The following LCP2 variants were observed in gnomAD, a reference collection of about 807,000 sequenced individuals.
LCP2 encodes the protein lymphocyte cytosolic protein 2, also known as 76 kDa tyrosine phosphoprotein.
LCP2 carries 29 observed loss-of-function variants against 74.5 expected under a neutral mutation model. The ratio of observed to expected loss-of-function variants is 0.39; its 90% CI spans 0.29 to 0.53. The LOEUF (loss-of-function observed/expected upper bound fraction) is 0.53. Among genes scored for constraint, LCP2 ranks in the 20% least tolerant of loss-of-function variants. LCP2 has a pLI of 0.72. For missense variants in LCP2, 604 were observed against 634.6 expected (o/e 0.95, Z 0.52); for synonymous variants, 228 against 229.5 (o/e 0.99, Z 0.06).
chr5:170,267,154 G>C, intron 8 of LCP2, 79 bp from the exon 9 acceptor site: 1 of 1,399,146 alleles, frequency 7.1e-7, no homozygotes, highest in East Asian at 2.3e-5. Flanking sequence ...GTCTGGATCT[G>C]CTCACTTTTC....
In LCP2 at chr5:170,279,419, G is replaced by T. The variant is rs572001018; in HGVS notation, c.189-3559C>A. Among the ~76,000 whole-genome samples the T allele has an allele frequency of 4.6e-5, 7 of 152,330 alleles. No individual in the cohort carries two copies. In the South Asian group the frequency reaches 1.4e-3, roughly 32 times the overall value. On this transcript the variant is annotated intron_variant, in intron 3 of 20. Coordinates refer to ENST00000046794, the MANE Select transcript of LCP2 (RefSeq NM_005565.5). ...TCTGGCCCCAAGGGTGGCGCCCACTGTGTGATCTCAGACAAGGCAGCTGCC... is the reference window on the plus strand; with the variant it reads ...TCTGGCCCCAAGGGTGGCGCCCACTTTGTGATCTCAGACAAGGCAGCTGCC...
In LCP2 at chr5:170,248,789, A is replaced by T. The variant is rs1761358461; in HGVS notation, c.1510T>A (p.Tyr504Asn). The T allele has an allele frequency of 6.2e-7, 1 of 1,612,610 alleles. No individual in the cohort carries two copies. The highest frequency in any genetic ancestry group is 8.5e-7 in the Non-Finnish European group (1 of 1,179,068). ...AGCAGAAGTGGCATTTTCCTGAAGT[A>T]GTCAATAATATCTGACACAGACAGA... is the stretch of plus-strand genomic sequence containing the variant. Reference protein sequence around the residue: ...DFLSVSDIIDYFRKMPLLLID... With the variant: ...DFLSVSDIIDNFRKMPLLLID... The change falls in exon 21 of 21, where the codon TAC (tyrosine) becomes AAC (asparagine). Residue 504 changes from tyrosine to asparagine, a missense_variant. Tyr to Asn is a moderately radical substitution (Grantham distance 143). Coordinates refer to ENST00000046794, the MANE Select transcript of LCP2 (RefSeq NM_005565.5).
intron 10 of LCP2, among the ~76,000 whole-genome samples, chr5:170,264,964 A>G (rs1761723764): frequency 7.3e-6 from 1 of 137,856 alleles, no homozygotes; most frequent in Non-Finnish European, 1.6e-5. Flanking sequence ...CTGAATAAGT[A>G]TTTCAAAATT....
intron 2 of LCP2, among the ~76,000 whole-genome samples, chr5:170,289,607 CTTT>C (rs1561978240): frequency 1.4e-5 from 2 of 143,522 alleles, no homozygotes; most frequent in African/African-American, 5.3e-5. Context: ...TTCTTTCTTT[CTTT>C]CTTTCTTTTT....
At chr5:170,255,262 A>G (rs1464996566) in intron 17 of LCP2, among the ~76,000 whole-genome samples, 4 of 152,228 alleles carry the variant, frequency 2.6e-5, no homozygotes, top group African/African-American at 9.7e-5. Context: ...AGTGGGTGCC[A>G]CTGGCGTCAG....
chr5:170,288,685 G>A (rs971144549), intron 2 of LCP2, among the ~76,000 whole-genome samples: 2 of 152,214 alleles, frequency 1.3e-5, no homozygotes, highest in Non-Finnish European at 2.9e-5. Flanking sequence ...CATTTTGAAA[G>A]AGAGAAAGCC....
intron 6 of LCP2, among the ~76,000 whole-genome samples, chr5:170,272,606 T>TTTTTTTTC (rs1761915317): frequency 1.0e-5 from 1 of 97,300 alleles, no homozygotes; most frequent in African/African-American, 6.6e-5. Context: ...TCTTTTTTTT[T>TTTTTTTTC]TTTTTTTTTT....
At chr5:170,292,986 T>C (rs191335555) in intron 2 of LCP2, among the ~76,000 whole-genome samples, 135 of 152,296 alleles carry the variant, frequency 8.9e-4, no homozygotes, top group Non-Finnish European at 1.3e-3. Flanking sequence ...GAGTGAGAGA[T>C]TGGAGGTGAG....
intron 2 of LCP2, among the ~76,000 whole-genome samples, chr5:170,290,992 GAAAGAA>G (rs1762283788): frequency 1.1e-5 from 1 of 90,038 alleles, no homozygotes; most frequent in Non-Finnish European, 2.4e-5. Context: ...AAGAAAGAAA[GAAAGAA>G]AGAGAGAAAG....
intron 17 of LCP2, 42 bp from the exon 18 acceptor site, chr5:170,253,255 T>TAA (rs1345126038): frequency 1.5e-6 from 2 of 1,339,876 alleles, no homozygotes; most frequent in Admixed American, 4.2e-5. Context: ...TACTGTAAGC[T>TAA]ATTGTTTGCT....
At chr5:170,289,625 C>CT (rs1167030468) in intron 2 of LCP2, among the ~76,000 whole-genome samples, 1 of 92,872 alleles carries the variant, frequency 1.1e-5, no homozygotes, top group African/African-American at 4.6e-5. Flanking sequence ...CTTTTTCTTT[C>CT]TTTCTTTCTT....
intron 13 of LCP2, among the ~76,000 whole-genome samples, chr5:170,261,429 T>A (rs970774767): frequency 6.2e-5 from 9 of 145,786 alleles, no homozygotes; most frequent in Non-Finnish European, 1.3e-4. Context: ...ATATACACAC[T>A]CTATATGTAT....
At chr5:170,269,369 C>A (rs315749) in intron 7 of LCP2, among the ~76,000 whole-genome samples, 2 of 151,984 alleles carry the variant, frequency 1.3e-5, no homozygotes, top group African/African-American at 2.4e-5. Flanking sequence ...CTCTCTTGCC[C>A]GACTCTAGTC....
chr5:170,290,906 G>T (rs1290049266), intron 2 of LCP2, among the ~76,000 whole-genome samples: 1 of 147,254 alleles, frequency 6.8e-6, no homozygotes, highest in Non-Finnish European at 1.5e-5. Flanking sequence ...AACAAAAATG[G>T]CAAAGAAGTA....
rs1455568915 is a variant in LCP2, at chr5:170,247,118, T to C, written c.*1579A>G. The C allele has an allele frequency of 6.6e-6, 1 of 152,220 alleles. No homozygotes were observed. Among genetic ancestry groups the C allele is most frequent in the Non-Finnish European group, 1.5e-5 (1 of 68,038 alleles). 9.4% of individuals were successfully genotyped at this position (152,220 alleles called of 1,614,324 possible). ...GGAGCTTACTCGATACTAGAACCTA[T>C]GGTGTATGCTATCCTTACTACCTTG... is the stretch of plus-strand genomic sequence containing the variant. On this transcript the variant is annotated 3_prime_UTR_variant, in exon 21 of 21. Coordinates refer to ENST00000046794, the MANE Select transcript of LCP2 (RefSeq NM_005565.5).
intron 13 of LCP2, among the ~76,000 whole-genome samples, chr5:170,261,549 C>T (rs1761654942): frequency 6.6e-6 from 1 of 152,012 alleles, no homozygotes; most frequent in Admixed American, 6.6e-5. Flanking sequence ...GTTGTTTTTC[C>T]CAAGAAATGA....
chr5:170,289,617 T>TTTTC (rs70979169), intron 2 of LCP2, among the ~76,000 whole-genome samples: 7,524 of 121,854 alleles, frequency 0.062, 367 homozygotes, highest in East Asian at 0.14. Context: ...CTTTCTTTCT[T>TTTTC]TTTCTTTCTT....
At chr5:170,263,090 T>A in intron 10 of LCP2, 98 bp from the exon 11 acceptor site, 1 of 1,347,094 alleles carries the variant, frequency 7.4e-7, no homozygotes, top group Non-Finnish European at 1.0e-6. Context: ...TGAACCCTCT[T>A]GGGGGTTGAT....
rs1055881 is a variant in LCP2, at chr5:170,246,398, A to T, written c.*2299T>A. The stretch of plus-strand genomic sequence containing the variant: ...GAGCTACTAAATTATTAATTGATGG[A>T]ATGAGTTTTTATTAATCAGAACTCT... On this transcript the variant is annotated 3_prime_UTR_variant, in exon 21 of 21. Transcript: ENST00000046794. 0.059 allele frequency: 13,135 copies of T among 222,554 alleles called. 1,371 individuals are homozygous for T. The highest frequency in any genetic ancestry group is 0.25 in the African/African-American group (10,823 of 43,926). 13.8% of individuals were successfully genotyped at this position (222,554 alleles called of 1,614,324 possible). A position where few individuals can be genotyped will look rare whatever the true frequency, so the allele number is the denominator to read the frequency against.
Sources: gnomAD v4.1 joint callset for allele counts (sites outside exome capture counted in the v4.1 genomes callset) on GRCh38, gnomAD v4.1.1 for gene constraint, MANE v1.5 for transcripts, NCBI Gene and HGNC (gene_info 2026-07-23, HGNC 2026-07-21) for gene names.